Variants in PEX14 observed in about 807,000 individuals in gnomAD.
PEX14 encodes peroxisomal membrane protein PEX14.
PEX14 carries 15 observed loss-of-function variants against 49.5 expected under a neutral mutation model. The ratio of observed to expected loss-of-function variants is 0.30; its 90% CI spans 0.20 to 0.47. The LOEUF is 0.47. Among genes scored for constraint, PEX14 ranks in the 20% least tolerant of loss-of-function variants. The pLI is 1.00. For missense variants in PEX14, 398 were observed against 494.8 expected, an observed-to-expected ratio of 0.80 and a Z score of 1.86; for synonymous variants, 210 against 212.7, an observed-to-expected ratio of 0.99 and a Z score of 0.11.
At chr1:10,496,024 C>T (rs770551200) in intron 2 of PEX14, among the ~76,000 whole-genome samples, 4 of 152,162 alleles carry the variant, frequency 2.6e-5, no homozygotes, top group South Asian at 2.1e-4. Flanking sequence ...TTTCTTCCTG[C>T]GTAGCGATAG....
chr1:10,521,731 A>C (rs1218860816), intron 2 of PEX14, among the ~76,000 whole-genome samples: 1 of 152,186 alleles, frequency 6.6e-6, no homozygotes, highest in Non-Finnish European at 1.5e-5. Context: ...CCTAAGAATC[A>C]TACATATTTA....
At chr1:10,589,994 T>G (rs1640612450) in intron 3 of PEX14, among the ~76,000 whole-genome samples, 2 of 152,164 alleles carry the variant, frequency 1.3e-5, no homozygotes, top group South Asian at 4.1e-4. Context: ...TGAATGGGAT[T>G]TGGAATATTC....
chr1:10,594,541 G>A (rs537509877), intron 3 of PEX14, among the ~76,000 whole-genome samples: 1 of 152,242 alleles, frequency 6.6e-6, no homozygotes, highest in Non-Finnish European at 1.5e-5. Context: ...GCGCTGGCAG[G>A]AGTTCATTAC....
chr1:10,592,510 T>G (rs1038500617), intron 3 of PEX14, among the ~76,000 whole-genome samples: 1 of 152,180 alleles, frequency 6.6e-6, no homozygotes, highest in African/African-American at 2.4e-5. Context: ...GATCTCAATT[T>G]GTGTTACATA....
In PEX14 at chr1:10,623,232, C is replaced by G; in HGVS notation, c.487+111C>G. 2.7e-6 allele frequency: 2 copies of G among 740,110 alleles called. No homozygotes were observed. The highest frequency in any genetic ancestry group is 3.0e-5 in the South Asian group (2 of 67,576). 45.8% of individuals were successfully genotyped at this position (740,110 alleles called of 1,614,324 possible). ...CACTCTATGTGGTGACTTCATTTAT[C>G]TGCTCTGAGAATCTGTTCACATTTG... On this transcript the variant is annotated intron_variant, in intron 6 of 8. Transcript: ENST00000356607. The surrounding 1 kb of genome is among the most constrained non-coding windows in gnomAD (Gnocchi z 4.4).
At chr1:10,478,181 A>G (rs1331482764) in intron 1 of PEX14, among the ~76,000 whole-genome samples, 1 of 152,234 alleles carries the variant, frequency 6.6e-6, no homozygotes, top group East Asian at 1.9e-4. Context: ...GAGCCACTGC[A>G]CCTGGCCTTA....
rs567005579 is a variant in PEX14, at chr1:10,537,584, C to T, written c.169+1287C>T. On this transcript the variant is annotated intron_variant, in intron 3 of 8. Transcript: ENST00000356607. Reference sequence around the variant, plus strand: ...AACCTGAGACAAAATCTATGGTTGCCGAGAGATCCTTAGCTCCAGTATATT... The same window carrying T: ...AACCTGAGACAAAATCTATGGTTGCTGAGAGATCCTTAGCTCCAGTATATT... Among the ~76,000 whole-genome samples, 5 of 152,004 alleles carry T rather than the reference C, an allele frequency of 3.3e-5. No individual in the cohort carries two copies. The East Asian group carries it at 5.8e-4, about 18-fold the overall frequency.
At chr1:10,509,468 A>G (rs892616955) in intron 2 of PEX14, among the ~76,000 whole-genome samples, 18 of 152,182 alleles carry the variant, frequency 1.2e-4, no homozygotes, top group Admixed American at 6.5e-4. Context: ...TTTGTAAGGC[A>G]TTTTATTTCT....
At chr1:10,496,078 T>C (rs1641554865) in intron 2 of PEX14, among the ~76,000 whole-genome samples, 1 of 152,226 alleles carries the variant, frequency 6.6e-6, no homozygotes, top group African/African-American at 2.4e-5. Context: ...CAGCAGGGCC[T>C]GTGGTTTCAC....
At chr1:10,508,360 C>T (rs1308388768) in intron 2 of PEX14, among the ~76,000 whole-genome samples, 3 of 152,164 alleles carry the variant, frequency 2.0e-5, no homozygotes, top group East Asian at 1.9e-4. Flanking sequence ...GCGCCCGCCA[C>T]CATGCCCTGC....
At position 10,630,348 on chromosome 1, in the gene PEX14, C is replaced by T; in HGVS notation, c.*361C>T. ...TTGCTGAGTGTCTTGACTACCGTGA[C>T]ACCACGCATGGCCAGAGCTAGCGTC... is the stretch of plus-strand genomic sequence containing the variant. On this transcript the variant is annotated 3_prime_UTR_variant, in exon 9 of 9. Coordinates refer to ENST00000356607, the MANE Select transcript of PEX14 (RefSeq NM_004565.3). This position sits in a 1 kb window ranked among gnomAD's most constrained non-coding sequence, Gnocchi z 4.1. 1 of 348,042 alleles carries T rather than the reference C, an allele frequency of 2.9e-6. No individual in the cohort carries two copies. The highest frequency in any genetic ancestry group is 5.4e-6 in the Non-Finnish European group (1 of 185,542). 21.6% of individuals were successfully genotyped at this position (348,042 alleles called of 1,614,324 possible).
In PEX14 at chr1:10,613,597, G is replaced by C. The variant is rs965413788; in HGVS notation, c.299-4735G>C. Among the ~76,000 whole-genome samples, 6 of 152,200 alleles carry C rather than the reference G, an allele frequency of 3.9e-5. No individual in the cohort carries two copies. Among genetic ancestry groups the C allele is most frequent in the African/African-American group, 1.4e-4 (6 of 41,432 alleles). ...CTTCAGCCTTCACAGAGATGCCAGG[G>C]CTTTGGTACTGGTGAGGAACCCCTG... On this transcript the variant is annotated intron_variant, in intron 4 of 8. Coordinates refer to ENST00000356607, the MANE Select transcript of PEX14 (RefSeq NM_004565.3). The surrounding 1 kb of genome is among the most constrained non-coding windows in gnomAD (Gnocchi z 5.0).
At chr1:10,552,875 A>C (rs888335388) in intron 3 of PEX14, among the ~76,000 whole-genome samples, 1 of 152,164 alleles carries the variant, frequency 6.6e-6, no homozygotes, top group Admixed American at 6.5e-5. Flanking sequence ...CAAGAGGATT[A>C]GTTGTTTTTA....
intron 2 of PEX14, among the ~76,000 whole-genome samples, chr1:10,523,428 G>A (rs1260231424): frequency 1.3e-5 from 2 of 152,054 alleles, no homozygotes; most frequent in Non-Finnish European, 2.9e-5. Context: ...GAAAGACTGG[G>A]TCTTGTCCTT....
At position 10,522,388 on chromosome 1, in the gene PEX14, A is replaced by C. The variant is rs115799412; in HGVS notation, c.85-13825A>C. 8.6e-3 allele frequency among the ~76,000 whole-genome samples: 1,309 copies of C among 152,290 alleles called. 22 individuals are homozygous for C. The highest frequency in any genetic ancestry group is 0.03 in the African/African-American group (1,251 of 41,544). Reference sequence around the variant, plus strand: ...GGAAAGTAGATTTCAACTCAGTTTAAAGAGGCACTCCTGAAAATGAGCTGA... The same window carrying C: ...GGAAAGTAGATTTCAACTCAGTTTACAGAGGCACTCCTGAAAATGAGCTGA... On this transcript the variant is annotated intron_variant, in intron 2 of 8. Transcript: ENST00000356607.
chr1:10,614,390 GGAAT>G (rs1641354165), intron 4 of PEX14, among the ~76,000 whole-genome samples: 2 of 152,188 alleles, frequency 1.3e-5, no homozygotes, highest in Admixed American at 1.3e-4. Flanking sequence ...GAGCATGGCA[GGAAT>G]GAGGAGCGGT....
At chr1:10,499,373 G>A (rs1289837583) in intron 2 of PEX14, among the ~76,000 whole-genome samples, 2 of 151,654 alleles carry the variant, frequency 1.3e-5, no homozygotes, top group African/African-American at 4.8e-5. Flanking sequence ...TAACTTTTAG[G>A]TGTAGGTTCT....
At chr1:10,527,658 T>TTTTA (rs1336836132) in intron 2 of PEX14, among the ~76,000 whole-genome samples, 2 of 151,954 alleles carry the variant, frequency 1.3e-5, no homozygotes, top group Admixed American at 6.6e-5. Context: ...TAGAATTGCC[T>TTTTA]TTTATTTATT....
At chr1:10,608,050 C>T (rs1360329375) in intron 4 of PEX14, among the ~76,000 whole-genome samples, 1 of 152,158 alleles carries the variant, frequency 6.6e-6, no homozygotes, top group Non-Finnish European at 1.5e-5. Context: ...TCACTGCAAC[C>T]TCTACCTCAC....
Sources: gnomAD v4.1 joint callset for allele counts (sites outside exome capture counted in the v4.1 genomes callset) on GRCh38, gnomAD v4.1.1 for gene constraint, Gnocchi (gnomAD v3.1) non-coding constraint, MANE v1.5 for transcripts, NCBI Gene and HGNC (gene_info 2026-07-23, HGNC 2026-07-21) for gene names.